EP400: variants seen among roughly 807,000 people sequenced by gnomAD.
EP400 encodes E1A-binding protein p400.
EP400 carries 105 observed loss-of-function variants against 354.1 expected under a neutral mutation model. The observed-to-expected ratio is 0.30, with a 90% CI of 0.25 to 0.35. The LOEUF (loss-of-function observed/expected upper bound fraction) is 0.35, where lower values mean the gene tolerates loss of function less well. EP400 is among the 10% of genes least tolerant of loss of function. The pLI is 1.00. For missense variants in EP400, 3,280 were observed against 4,121.0 expected (o/e 0.80, Z 5.59); for synonymous variants, 1,646 against 1,716.9 (o/e 0.96, Z 1.02).
chr12:132,020,121 C>G lies in EP400; in HGVS notation c.4350C>G (p.Pro1450=). ...RTVAFPSTHP[P]RTAAPTTASA... is the part of the protein sequence containing the mutation. ...TGGCTTTCCCCAGCACTCACCCGCC[C>G]CGGACGGCAGCCCCCACCACGGCCT... is the stretch of plus-strand genomic sequence containing the variant. The change falls in exon 22 of 53, where the codon CCC becomes CCG. Residue 1450 remains proline, a synonymous_variant. Transcript: ENST00000389561. 1 of 1,611,324 alleles carries G rather than the reference C, an allele frequency of 6.2e-7. No individual in the cohort carries two copies. Among genetic ancestry groups the G allele is most frequent in the Non-Finnish European group, 8.5e-7 (1 of 1,178,962 alleles).
intron 9 of EP400, 67 bp from the exon 10 acceptor site, chr12:131,991,340 G>T: frequency 6.4e-7 from 1 of 1,558,240 alleles, no homozygotes; most frequent in South Asian, 1.1e-5. Flanking sequence ...ACCCTGCCTG[G>T]AAAGCAGAGA....
intron 51 of EP400, among the ~76,000 whole-genome samples, chr12:132,074,617 G>A (rs1896175150): frequency 6.6e-6 from 1 of 152,148 alleles, no homozygotes; most frequent in Non-Finnish European, 1.5e-5. Context: ...CCCCTGTCCT[G>A]CTTCCTCTGC....
intron 24 of EP400, among the ~76,000 whole-genome samples, chr12:132,024,847 C>T (rs903952568): frequency 1.3e-5 from 2 of 151,428 alleles, no homozygotes; most frequent in African/African-American, 2.4e-5. Flanking sequence ...CCCCCACCTT[C>T]CCTCACCTTC....
chr12:131,964,997 C>G lies in EP400; in HGVS notation c.1335+3043C>G, dbSNP rs1892029056. On this transcript the variant is annotated intron_variant, in intron 2 of 52. Coordinates refer to ENST00000389561, the MANE Select transcript of EP400 (RefSeq NM_015409.5). ...TAGTCTTTCATGACCTTGGCTTTGG[C>G]CTGGGCCTGGGCGTTAAAAAGTACA... Among the ~76,000 whole-genome samples the G allele has an allele frequency of 3.3e-5, 5 of 152,228 alleles. No individual in the cohort carries two copies. The South Asian group carries it at 1.0e-3, about 32-fold the overall frequency.
At chr12:132,056,592 C>G (rs1895524834) in intron 45 of EP400, among the ~76,000 whole-genome samples, 1 of 152,142 alleles carries the variant, frequency 6.6e-6, no homozygotes, top group Admixed American at 6.5e-5. Context: ...GAAAGGCACT[C>G]CAGGTGGATC....
chr12:132,060,884 A>C (rs1379589901), intron 45 of EP400, among the ~76,000 whole-genome samples: 1 of 150,358 alleles, frequency 6.7e-6, no homozygotes, highest in Non-Finnish European at 1.5e-5. Flanking sequence ...ATTGCAGTGC[A>C]GCCTGGGCAA....
At chr12:132,035,990 A>T (rs1231080487) in intron 30 of EP400, among the ~76,000 whole-genome samples, 2 of 146,994 alleles carry the variant, frequency 1.4e-5, no homozygotes, top group African/African-American at 5.1e-5. Flanking sequence ...GTTCACACGG[A>T]ACGTCATGGA....
chr12:132,042,966 G>A (rs747265801), intron 32 of EP400, among the ~76,000 whole-genome samples: 1 of 152,248 alleles, frequency 6.6e-6, no homozygotes, highest in Non-Finnish European at 1.5e-5. Context: ...CTGAGATGGA[G>A]CCTCCTTGGG....
Position 132,069,554 on chromosome 12 carries a change from G to C in EP400, c.8934G>C (p.Gln2978His). ...AGCAGAAGGTTGCCTACGCCGCGCA[G>C]CCGGCCCTTAAGACCCAGTTTCTTA... ...GAQQKVAYAA[Q>H]PALKTQFLTT... Residue 2978 changes from glutamine (Q) to histidine (H), a missense_variant, in exon 51 of 53, where the codon CAG becomes CAC. Around this residue, in one of 20 missense-constraint regions of EP400, gnomAD observed 279 missense variants for 386.7 expected, o/e 0.72. Transcript: ENST00000389561. The C allele has an allele frequency of 6.2e-7, 1 of 1,614,244 alleles. No individual in the cohort carries two copies. The highest frequency in any genetic ancestry group is 8.5e-7 in the Non-Finnish European group (1 of 1,180,034).
chr12:132,069,191 G>A (rs887574346), intron 50 of EP400: 1 of 358,874 alleles, frequency 2.8e-6, no homozygotes, highest in East Asian at 4.4e-5. Context: ...GGTGTGACAA[G>A]GGTGTCAGGG....
Position 132,064,780 on chromosome 12 carries a change from C to T in EP400, c.8447C>T (p.Ser2816Leu), listed in dbSNP as rs547947277. The change falls in exon 48 of 53, where the codon TCG becomes TTG. Residue 2816 changes from serine to leucine, a missense_variant. Around this residue, in one of 20 missense-constraint regions of EP400, gnomAD observed 86 missense variants for 66.4 expected, o/e 1.29. Transcript: ENST00000389561. ...QPTAQVQVQT[S>L]QPPQQQSPQL... is the part of the protein sequence containing the mutation. ...ACAGCCCAAGTGCAAGTGCAGACCT[C>T]GCAGCCGCCGCAGCAGCAGAGCCCC... 21 of 1,612,748 alleles carry T rather than the reference C, an allele frequency of 1.3e-5. No individual in the cohort carries two copies. The highest frequency in any genetic ancestry group is 3.3e-5 in the Admixed American group (2 of 60,006).
intron 30 of EP400, among the ~76,000 whole-genome samples, chr12:132,035,055 A>G (rs993068859): frequency 6.6e-6 from 1 of 152,162 alleles, no homozygotes; most frequent in Admixed American, 6.5e-5. Context: ...GAGAAGATAC[A>G]TAAAGACCCC....
In EP400 at chr12:132,053,474, G is replaced by A. The variant is rs777957786; in HGVS notation, c.7605G>A (p.Pro2535=). The change falls in exon 43 of 53, where the codon CCG becomes CCA. Residue 2535 remains proline (P), a synonymous_variant. Coordinates refer to ENST00000389561, the MANE Select transcript of EP400 (RefSeq NM_015409.5). ...LPQPQAAGSQ[P]PAGPPAVQPQ... ...AACCACAGGCAGCGGGCAGCCAGCC[G>A]CCAGCAGGGCCACCAGCTGTCCAGC... 5.5e-6 allele frequency: 8 copies of A among 1,457,762 alleles called. No homozygotes were observed. Among genetic ancestry groups the A allele is most frequent in the South Asian group, 3.6e-5 (3 of 82,928 alleles). The allele number at this position is 1,457,762 out of a possible 1,614,324, so 90.3% of individuals were successfully genotyped here.
intron 15 of EP400, among the ~76,000 whole-genome samples, chr12:132,009,488 T>C (rs1214442483): frequency 6.6e-6 from 1 of 151,468 alleles, no homozygotes; most frequent in East Asian, 1.9e-4. Flanking sequence ...GATGGGGCAG[T>C]GGGGGTGGGG....
intron 45 of EP400, among the ~76,000 whole-genome samples, chr12:132,056,076 C>T (rs1459833008): frequency 1.3e-5 from 2 of 151,878 alleles, no homozygotes; most frequent in Non-Finnish European, 2.9e-5. Context: ...AGAGGAGGCA[C>T]CTAGGCAAAG....
At chr12:132,037,842 C>G in intron 31 of EP400, 49 bp downstream of exon 31, 1 of 1,609,922 alleles carries the variant, frequency 6.2e-7, no homozygotes, top group East Asian at 2.2e-5. Context: ...CCATGCGGCG[C>G]GTGGAATCGC....
intron 19 of EP400, among the ~76,000 whole-genome samples, chr12:132,014,256 C>T (rs1375195016): frequency 6.6e-6 from 1 of 152,244 alleles, no homozygotes; most frequent in Non-Finnish European, 1.5e-5. Context: ...AGCAGCTCGC[C>T]TTCCCACAGC....
At chr12:131,980,179 G>T (rs1231345948) in intron 3 of EP400, among the ~76,000 whole-genome samples, 1 of 152,122 alleles carries the variant, frequency 6.6e-6, no homozygotes, top group East Asian at 1.9e-4. Flanking sequence ...TATAACTTAA[G>T]TCTATGTCTG....
intron 15 of EP400, 80 bp downstream of exon 15, chr12:132,006,957 G>A: frequency 6.7e-7 from 1 of 1,503,022 alleles, no homozygotes; most frequent in Non-Finnish European, 9.1e-7. Context: ...GGGAGTGTGG[G>A]GACTTGGCTA....
Sources: allele counts gnomAD v4.1 joint callset (sites outside exome capture counted in the v4.1 genomes callset), GRCh38; gene constraint gnomAD v4.1.1; regional missense constraint gnomAD v4.1.1; transcripts MANE v1.5; gene names NCBI Gene and HGNC (gene_info 2026-07-23, HGNC 2026-07-21).